The following GPM6A variants were observed in gnomAD, a reference collection of about 807,000 sequenced individuals.
GPM6A encodes neuronal membrane glycoprotein M6-a.
Under a neutral mutation model 32.1 loss-of-function variants are expected in GPM6A, and 7 were observed. The observed-to-expected ratio is 0.22, with a 90% confidence interval of 0.12 to 0.41. The LOEUF (loss-of-function observed/expected upper bound fraction) is 0.41, where lower values mean the gene tolerates loss of function less well. Ranked by LOEUF, GPM6A falls within the 10% of genes least tolerant of loss-of-function variation. GPM6A has a pLI of 1.00. For missense variants in GPM6A, 235 were observed against 347.2 expected (o/e 0.68, Z 2.57); for synonymous variants, 130 against 123.4 (o/e 1.05, Z -0.35).
chr4:175,929,002 G>A (rs1266382819), intron 1 of GPM6A, among the ~76,000 whole-genome samples: 1 of 152,156 alleles, frequency 6.6e-6, no homozygotes, highest in Admixed American at 6.5e-5. Context: ...ACTTTATTAA[G>A]TGACAGATGC....
intron 1 of GPM6A, among the ~76,000 whole-genome samples, chr4:175,748,540 A>G (rs1732195581): frequency 6.6e-6 from 1 of 152,176 alleles, no homozygotes; most frequent in Non-Finnish European, 1.5e-5. Context: ...AGTAGGTGTC[A>G]ACAGTGGGCT....
At chr4:175,762,123 TAGG>T (rs1353581613) in intron 1 of GPM6A, among the ~76,000 whole-genome samples, 2 of 152,288 alleles carry the variant, frequency 1.3e-5, no homozygotes, top group Non-Finnish European at 2.9e-5. Context: ...TGAAAAAGAT[TAGG>T]AGTTCTTCAG....
intron 1 of GPM6A, among the ~76,000 whole-genome samples, chr4:175,838,724 G>A (rs78855156): frequency 1.9e-4 from 27 of 141,368 alleles, no homozygotes; most frequent in African/African-American, 6.1e-4. Flanking sequence ...GTGCAATTTC[G>A]GCTCACCAGA....
intron 1 of GPM6A, among the ~76,000 whole-genome samples, chr4:175,849,358 G>A (rs779290631): frequency 5.3e-5 from 8 of 152,180 alleles, no homozygotes; most frequent in Admixed American, 2.0e-4. Flanking sequence ...ATGAGAACAT[G>A]GATGCTCATC....
rs1365953960 is a variant in GPM6A at position 175,990,360 on chromosome 4, G to A, written c.-23+11949C>T. ...CTTGATGACTGCAGCCTCCATCGAT[G>A]TCCTCCATTCCTGACCAGTGGTTTT... On this transcript the variant is annotated intron_variant, in intron 1 of 7. Transcript: ENST00000280187. Among the ~76,000 whole-genome samples, 4 of 152,206 alleles carry A rather than the reference G, an allele frequency of 2.6e-5. No homozygotes were observed. In the East Asian group the frequency reaches 7.7e-4, roughly 29 times the overall value.
At chr4:175,881,348 G>A (rs1410130903) in intron 1 of GPM6A, among the ~76,000 whole-genome samples, 1 of 152,126 alleles carries the variant, frequency 6.6e-6, no homozygotes, top group African/African-American at 2.4e-5. Flanking sequence ...GAAACAACAG[G>A]TGCTAGAGAG....
chr4:175,961,258 G>C (rs75419371), intron 1 of GPM6A: 1 of 152,086 alleles, frequency 6.6e-6, no homozygotes, highest in South Asian at 2.1e-4. Context: ...TTTTAAAGAA[G>C]AATGTTCATT....
chr4:175,866,132 T>A (rs1203679198), intron 1 of GPM6A, among the ~76,000 whole-genome samples: 1 of 152,156 alleles, frequency 6.6e-6, no homozygotes, highest in Non-Finnish European at 1.5e-5. Flanking sequence ...AACAACTATA[T>A]TTTAGAGTGG....
At chr4:175,666,605 C>A (rs1742767909) in intron 3 of GPM6A, among the ~76,000 whole-genome samples, 1 of 152,136 alleles carries the variant, frequency 6.6e-6, no homozygotes, top group Non-Finnish European at 1.5e-5. Flanking sequence ...CATTAATAGT[C>A]TGTGGTTATT....
At chr4:175,975,528 C>T (rs1387156929) in intron 1 of GPM6A, among the ~76,000 whole-genome samples, 2 of 152,130 alleles carry the variant, frequency 1.3e-5, no homozygotes, top group South Asian at 2.1e-4. Flanking sequence ...ATTTATTTAG[C>T]GAGTAAATGA....
At chr4:175,654,591 A>G (rs534607615) in intron 3 of GPM6A, among the ~76,000 whole-genome samples, 1 of 152,262 alleles carries the variant, frequency 6.6e-6, no homozygotes, top group South Asian at 2.1e-4. Context: ...ATTTCATTTC[A>G]TGTTTGGATA....
chr4:175,642,884 A>C (rs552795711), intron 4 of GPM6A, among the ~76,000 whole-genome samples: 1 of 152,172 alleles, frequency 6.6e-6, no homozygotes, highest in African/African-American at 2.4e-5. Context: ...ATTTCTAATA[A>C]GCATTTTAAA....
chr4:175,659,725 T>C (rs1379846060), intron 3 of GPM6A, among the ~76,000 whole-genome samples: 1 of 152,210 alleles, frequency 6.6e-6, no homozygotes, highest in Non-Finnish European at 1.5e-5. Flanking sequence ...CATGAGCTCT[T>C]GTGCTTAGAT....
At chr4:175,782,299 C>A (rs1733641846) in intron 1 of GPM6A, among the ~76,000 whole-genome samples, 1 of 152,062 alleles carries the variant, frequency 6.6e-6, no homozygotes, top group South Asian at 2.1e-4. Flanking sequence ...TTTGCTGGGG[C>A]TATTTTTCAT....
intron 1 of GPM6A, chr4:176,002,197 A>G: frequency 1.7e-6 from 2 of 1,191,732 alleles, no homozygotes; most frequent in South Asian, 2.6e-5. Flanking sequence ...CGGGGGGAAC[A>G]GAGCTGGGAA....
intron 1 of GPM6A, among the ~76,000 whole-genome samples, chr4:175,726,728 G>C (rs934784158): frequency 3.9e-5 from 6 of 152,128 alleles, no homozygotes; most frequent in African/African-American, 1.4e-4. Flanking sequence ...TTTATAAAAG[G>C]TTCATATCTT....
intron 4 of GPM6A, among the ~76,000 whole-genome samples, chr4:175,642,333 T>C (rs763656606): frequency 2.0e-5 from 3 of 152,242 alleles, no homozygotes; most frequent in Non-Finnish European, 2.9e-5. Flanking sequence ...GGAATATTTA[T>C]GTTGTGCTTA....
intron 1 of GPM6A, among the ~76,000 whole-genome samples, chr4:175,826,184 C>T (rs1368141496): frequency 6.6e-6 from 1 of 151,738 alleles, no homozygotes; most frequent in Non-Finnish European, 1.5e-5. Flanking sequence ...AACAAAAAAA[C>T]TGTCTCTTAT....
chr4:175,645,882 AATTTTAAAGATG>A (rs1211366391), intron 4 of GPM6A, among the ~76,000 whole-genome samples: 1 of 152,178 alleles, frequency 6.6e-6, no homozygotes, highest in African/African-American at 2.4e-5. Flanking sequence ...TTACGTTGCT[AATTTTAAAGATG>A]ATAAAATACC....
Sources: gnomAD v4.1 joint callset for allele counts (sites outside exome capture counted in the v4.1 genomes callset) on GRCh38, gnomAD v4.1.1 for gene constraint, MANE v1.5 for transcripts, NCBI Gene and HGNC (gene_info 2026-07-23, HGNC 2026-07-21) for gene names.